GABRG1: variants seen among roughly 807,000 people sequenced by gnomAD.
The protein encoded by GABRG1 is gamma-aminobutyric acid type A receptor subunit gamma1.
In GABRG1, 49 loss-of-function variants were observed where a neutral mutation model predicts 49.8. The ratio of observed to expected loss-of-function variants is 0.98; its 90% CI spans 0.78 to 1.25. GABRG1 has a LOEUF of 1.25. Ranked by LOEUF, GABRG1 falls within the 50% of genes most tolerant of loss-of-function variation. GABRG1 has a pLI of 0.00. For missense variants in GABRG1, 552 were observed against 552.3 expected (o/e 1.00, Z 0.01); for synonymous variants, 232 against 185.1 (o/e 1.25, Z -2.06).
intron 5 of GABRG1, among the ~76,000 whole-genome samples, chr4:46,060,368 A>G (rs1220052261): frequency 6.6e-6 from 1 of 152,066 alleles, no homozygotes; most frequent in Non-Finnish European, 1.5e-5. Context: ...TTACACTACC[A>G]TCTTACAATA....
chr4:46,043,439 C>T (rs562217810), intron 8 of GABRG1, among the ~76,000 whole-genome samples: 1 of 151,772 alleles, frequency 6.6e-6, no homozygotes, highest in East Asian at 1.9e-4. Flanking sequence ...TGAAAGTAAA[C>T]AGAAATGGAC....
intron 1 of GABRG1, among the ~76,000 whole-genome samples, chr4:46,117,608 C>CTATATA (rs1333423900): frequency 7.3e-6 from 1 of 137,132 alleles, no homozygotes; most frequent in South Asian, 2.2e-4. Flanking sequence ...CTCTCTCTCT[C>CTATATA]TCTCTATATA....
chr4:46,065,012 A>T (rs1718853070), intron 4 of GABRG1, among the ~76,000 whole-genome samples: 1 of 152,146 alleles, frequency 6.6e-6, no homozygotes, highest in Admixed American at 6.6e-5. Context: ...TTACTACACC[A>T]TTGAAAATTA....
chr4:46,096,643 G>T (rs1297418959), intron 2 of GABRG1, among the ~76,000 whole-genome samples: 1 of 151,600 alleles, frequency 6.6e-6, no homozygotes, highest in East Asian at 2.0e-4. Flanking sequence ...CATACTTGTA[G>T]ATGTGTAGGG....
At chr4:46,111,157 A>G (rs768963126) in intron 1 of GABRG1, among the ~76,000 whole-genome samples, 2 of 151,178 alleles carry the variant, frequency 1.3e-5, no homozygotes, top group Non-Finnish European at 3.0e-5. Context: ...GTAATTCAGG[A>G]CACAAAATCA....
rs1717587386 is a variant in GABRG1, at chr4:46,037,806, A to T, written c.*3182T>A. The T allele has an allele frequency of 6.6e-6, 1 of 151,748 alleles. No homozygotes were observed. The allele number at this position is 151,748 out of a possible 1,614,324, so 9.4% of individuals were successfully genotyped here. A position where few individuals can be genotyped will look rare whatever the true frequency, so the allele number is the denominator to read the frequency against. On this transcript the variant is annotated 3_prime_UTR_variant, in exon 9 of 9. Transcript: ENST00000295452. ...CAAAGTGTTTTGTGTATTTTTCACA[A>T]ATTTTGACCTGGAATATAATTTCAC...
intron 1 of GABRG1, among the ~76,000 whole-genome samples, chr4:46,122,279 A>T (rs1470002399): frequency 1.3e-5 from 2 of 152,108 alleles, no homozygotes; most frequent in Non-Finnish European, 2.9e-5. Context: ...TATGCTCTTT[A>T]CTAAGCAGCT....
At chr4:46,091,232 C>T (rs13109156) in intron 2 of GABRG1, among the ~76,000 whole-genome samples, 16,015 of 151,916 alleles carry the variant, frequency 0.11, 1,934 homozygotes, top group African/African-American at 0.29. Context: ...AAAATAAAAG[C>T]TTTACCAAGG....
intron 3 of GABRG1, among the ~76,000 whole-genome samples, chr4:46,074,905 A>G (rs1719267813): frequency 1.3e-5 from 2 of 152,020 alleles, no homozygotes; most frequent in African/African-American, 4.8e-5. Flanking sequence ...ATGGAATGGG[A>G]AAATTTTGTC....
chr4:46,079,259 T>C (rs1048894543), intron 3 of GABRG1, among the ~76,000 whole-genome samples: 1 of 151,836 alleles, frequency 6.6e-6, no homozygotes, highest in Non-Finnish European at 1.5e-5. Context: ...AGCATGCACT[T>C]ATTTTGAAGT....
intron 6 of GABRG1, 47 bp downstream of exon 6, chr4:46,058,438 T>C (rs555570300): frequency 5.6e-6 from 9 of 1,597,172 alleles, no homozygotes; most frequent in East Asian, 2.2e-5. Context: ...AAAATAAAAA[T>C]GTCATTTAAT....
chr4:46,072,231 G>A (rs1377607131), intron 3 of GABRG1, among the ~76,000 whole-genome samples: 1 of 152,066 alleles, frequency 6.6e-6, no homozygotes, highest in African/African-American at 2.4e-5. Flanking sequence ...ACAGTATGTA[G>A]TAGACTATAC....
intron 1 of GABRG1, among the ~76,000 whole-genome samples, chr4:46,103,544 G>C (rs1182963077): frequency 6.6e-6 from 1 of 150,706 alleles, no homozygotes; most frequent in Non-Finnish European, 1.5e-5. Context: ...TTAAAAGTGG[G>C]GCTAACAATA....
At chr4:46,079,752 C>T (rs1719497566) in intron 3 of GABRG1, among the ~76,000 whole-genome samples, 1 of 151,802 alleles carries the variant, frequency 6.6e-6, no homozygotes, top group South Asian at 2.1e-4. Context: ...TTTGACTTGG[C>T]TTTAAAGAAT....
At chr4:46,099,798 G>C (rs932692809) in intron 1 of GABRG1, among the ~76,000 whole-genome samples, 2 of 151,472 alleles carry the variant, frequency 1.3e-5, no homozygotes, top group African/African-American at 4.8e-5. Flanking sequence ...TAAAACCCAT[G>C]GTCCTTCTAC....
At chr4:46,041,656 A>G (rs532175236) in intron 8 of GABRG1, among the ~76,000 whole-genome samples, 35 of 152,160 alleles carry the variant, frequency 2.3e-4, no homozygotes, top group Non-Finnish European at 4.7e-4. Context: ...GAGAATAAAT[A>G]GCAAAGAAGA....
chr4:46,121,209 C>A (rs1213376509), intron 1 of GABRG1, among the ~76,000 whole-genome samples: 1 of 151,726 alleles, frequency 6.6e-6, no homozygotes, highest in Non-Finnish European at 1.5e-5. Context: ...AGATGACTTT[C>A]AAGATATATT....
In GABRG1 at chr4:46,051,498, T is replaced by C; in HGVS notation, c.1057A>G (p.Thr353Ala). Reference sequence around the variant, plus strand: ...TGGTTGCTGGTAAAATAATGCAAGGTTCCATATTCCATCAAGGCTGCAAAA... The same window carrying C: ...TGGTTGCTGGTAAAATAATGCAAGGCTCCATATTCCATCAAGGCTGCAAAA... ...FVFAALMEYGTLHYFTSNQKG... is the reference protein window; with the variant it reads ...FVFAALMEYGALHYFTSNQKG... Residue 353 changes from threonine to alanine, a missense_variant, in exon 8 of 9, where the codon ACC becomes GCC. By Grantham distance (58) the Thr-to-Ala change is moderately conservative. Transcript: ENST00000295452. 2 of 1,611,352 alleles carry C rather than the reference T, an allele frequency of 1.2e-6. No individual in the cohort carries two copies. The highest frequency in any genetic ancestry group is 1.7e-6 in the Non-Finnish European group (2 of 1,178,458).
chr4:46,093,225 C>T (rs1018486098), intron 2 of GABRG1, among the ~76,000 whole-genome samples: 13 of 151,796 alleles, frequency 8.6e-5, no homozygotes, highest in African/African-American at 2.9e-4. Flanking sequence ...GTGTAACCAT[C>T]GCAAAGAAAA....
Sources: allele counts gnomAD v4.1 joint callset (sites outside exome capture counted in the v4.1 genomes callset), GRCh38; gene constraint gnomAD v4.1.1; transcripts MANE v1.5; gene names NCBI Gene and HGNC (gene_info 2026-07-23, HGNC 2026-07-21).